FKBP9: variants seen among roughly 807,000 people sequenced by gnomAD.
The protein encoded by FKBP9 is peptidyl-prolyl cis-trans isomerase FKBP9.
Under a neutral mutation model 55.6 loss-of-function variants are expected in FKBP9, and 27 were observed. The ratio of observed to expected loss-of-function variants is 0.49; its 90% CI spans 0.36 to 0.67. FKBP9 has a LOEUF of 0.67. FKBP9 is among the 30% of genes least tolerant of loss of function. The pLI is 0.00. For synonymous variants in FKBP9, 267 were observed against 296.5 expected, an observed-to-expected ratio of 0.90 and a Z score of 1.02; for missense variants, 539 against 742.8, an observed-to-expected ratio of 0.73 and a Z score of 3.19.
chr7:32,976,087 G>A (rs1311179300), intron 3 of FKBP9, among the ~76,000 whole-genome samples: 1 of 152,186 alleles, frequency 6.6e-6, no homozygotes, highest in Non-Finnish European at 1.5e-5. Flanking sequence ...GGAACCCTTC[G>A]CAATTTCTTC....
intron 1 of FKBP9, among the ~76,000 whole-genome samples, chr7:32,958,531 C>G (rs1443672930): frequency 6.6e-6 from 1 of 152,244 alleles, no homozygotes; most frequent in Non-Finnish European, 1.5e-5. Flanking sequence ...CGTGGTGGCT[C>G]ACGCCTGTAG....
rs117698480 is a variant in FKBP9 at position 32,967,265 on chromosome 7, A to T, written c.222-7352A>T. 7.5e-3 allele frequency among the ~76,000 whole-genome samples: 1,143 copies of T among 152,276 alleles called. 14 individuals are homozygous for T. The highest frequency in any genetic ancestry group is 0.021 in the South Asian group (101 of 4,826). On this transcript the variant is annotated intron_variant, in intron 1 of 9. Transcript: ENST00000242209. ...AAAAACCATCAAATTTACCATTGTA[A>T]CTGTTTTGAACTGTATAATAGTGTT... is the stretch of plus-strand genomic sequence containing the variant.
At chr7:32,986,670 C>T (rs6462440) in intron 5 of FKBP9, among the ~76,000 whole-genome samples, 5,189 of 152,302 alleles carry the variant, frequency 0.034, 245 homozygotes, top group East Asian at 0.2. Context: ...TGTTGTGATT[C>T]TTTCTTCGTG....
At chr7:32,970,438 C>T (rs568922694) in intron 1 of FKBP9, among the ~76,000 whole-genome samples, 26 of 151,992 alleles carry the variant, frequency 1.7e-4, no homozygotes, top group African/African-American at 5.3e-4. Context: ...TCAGGTGATC[C>T]GCCCGCCTTG....
intron 1 of FKBP9, among the ~76,000 whole-genome samples, chr7:32,959,179 G>A (rs1271417504): frequency 1.3e-5 from 2 of 152,112 alleles, no homozygotes; most frequent in Admixed American, 6.5e-5. Flanking sequence ...GCCGAGGCGG[G>A]CGGATCACGA....
intron 1 of FKBP9, among the ~76,000 whole-genome samples, chr7:32,960,974 A>G (rs1413256926): frequency 1.3e-5 from 2 of 152,278 alleles, no homozygotes; most frequent in Non-Finnish European, 2.9e-5. Flanking sequence ...ACTGAGGCTC[A>G]GAAAGTTCAA....
At chr7:32,977,143 T>G (rs1384188421) in intron 4 of FKBP9, among the ~76,000 whole-genome samples, 2 of 152,230 alleles carry the variant, frequency 1.3e-5, no homozygotes, top group African/African-American at 4.8e-5. Context: ...GTAGTTTTAC[T>G]GTGAAGGAAA....
intron 5 of FKBP9, among the ~76,000 whole-genome samples, chr7:32,985,107 C>T (rs927122638): frequency 9.9e-5 from 15 of 151,806 alleles, no homozygotes; most frequent in Admixed American, 9.2e-4. Flanking sequence ...ACAAATTTCC[C>T]TCCTATCCTT....
At chr7:32,974,242 A>G (rs1345226138) in intron 1 of FKBP9, among the ~76,000 whole-genome samples, 1 of 152,078 alleles carries the variant, frequency 6.6e-6, no homozygotes, top group African/African-American at 2.4e-5. Context: ...TCGAACTCCT[A>G]ACTTCAACTT....
chr7:32,961,461 C>T (rs1583837027), intron 1 of FKBP9, among the ~76,000 whole-genome samples: 1 of 152,332 alleles, frequency 6.6e-6, no homozygotes, highest in Non-Finnish European at 1.5e-5. Context: ...GCTGATGCTA[C>T]TGGTCTGAGG....
rs1342216672 is a variant in FKBP9 at position 32,974,520 on chromosome 7, C to A, written c.222-97C>A. 5 of 1,031,508 alleles carry A rather than the reference C, an allele frequency of 4.8e-6. No individual in the cohort carries two copies. The African/African-American group carries it at 8.0e-5, about 16-fold the overall frequency. 63.9% of individuals were successfully genotyped at this position (1,031,508 alleles called of 1,614,324 possible). On this transcript the variant is annotated intron_variant, in intron 1 of 9. Coordinates refer to ENST00000242209, the MANE Select transcript of FKBP9 (RefSeq NM_007270.5). ...GCAGGGTTTTTGCTTTGCTATGGCC[C>A]CATTACATCTGTGGGCACATTTTTA...
chr7:32,985,378 A>C (rs1316014778), intron 5 of FKBP9, among the ~76,000 whole-genome samples: 1 of 151,234 alleles, frequency 6.6e-6, no homozygotes, highest in Non-Finnish European at 1.5e-5. Context: ...TGGGGTTTCA[A>C]CATGTTGGGC....
intron 1 of FKBP9, among the ~76,000 whole-genome samples, chr7:32,967,303 A>AG (rs1784163683): frequency 8.5e-5 from 13 of 152,208 alleles, no homozygotes; most frequent in Non-Finnish European, 1.5e-4. Context: ...CTATATTCAC[A>AG]CTGTTGTGCA....
At chr7:32,967,915 C>T (rs867088263) in intron 1 of FKBP9, among the ~76,000 whole-genome samples, 2 of 152,128 alleles carry the variant, frequency 1.3e-5, no homozygotes, top group South Asian at 4.1e-4. Flanking sequence ...GCACTATGCC[C>T]AGCTGATTTT....
At chr7:32,983,053 C>T (rs1454541145) in intron 5 of FKBP9, among the ~76,000 whole-genome samples, 1 of 150,840 alleles carries the variant, frequency 6.6e-6, no homozygotes, top group East Asian at 1.9e-4. Context: ...GACGGAGTTT[C>T]GCTCTTCTTG....
rs1200176763 is a variant in FKBP9 at position 33,000,276 on chromosome 7, T to G, written c.1372+16T>G. 31 of 1,594,934 alleles carry G rather than the reference T, an allele frequency of 1.9e-5. No individual in the cohort carries two copies. The highest frequency in any genetic ancestry group is 4.3e-6 in the Non-Finnish European group (5 of 1,164,410). ...GCTGGCGTGGGTGAGTAAGCAACGC[T>G]ATTCAAGGGTGTTGGGGGCCCGCTT... On this transcript the variant is annotated intron_variant, in intron 8 of 9. Transcript: ENST00000242209.
At position 32,996,252 on chromosome 7, in the gene FKBP9, T is replaced by C. The variant is rs1784782300; in HGVS notation, c.1129T>C (p.Tyr377His). ...PSDSISITSH[Y>H]KPPDCSVLSK... ...GGACTCCATCAGCATCACCTCCCACTACAAACCCCCTGACTGCTCAGTGCT... is the reference window on the plus strand; with the variant it reads ...GGACTCCATCAGCATCACCTCCCACCACAAACCCCCTGACTGCTCAGTGCT... Residue 377 changes from tyrosine (Y) to histidine (H), a missense_variant, in exon 7 of 10, where the codon TAC becomes CAC. Around this residue, in one of 4 missense-constraint regions of FKBP9, gnomAD observed 172 missense variants for 205.3 expected, o/e 0.84. Coordinates refer to ENST00000242209, the MANE Select transcript of FKBP9 (RefSeq NM_007270.5). 7.4e-6 allele frequency: 12 copies of C among 1,613,924 alleles called. No homozygotes were observed. The highest frequency in any genetic ancestry group is 1.7e-5 in the Admixed American group (1 of 59,992).
chr7:32,960,970 G>T (rs1160888050), intron 1 of FKBP9, among the ~76,000 whole-genome samples: 1 of 152,156 alleles, frequency 6.6e-6, no homozygotes. Flanking sequence ...ATAAACTGAG[G>T]CTCAGAAAGT....
At chr7:32,977,922 CACT>C (rs1476555918) in intron 4 of FKBP9, among the ~76,000 whole-genome samples, 1 of 108,862 alleles carries the variant, frequency 9.2e-6, no homozygotes, top group African/African-American at 3.3e-5. Flanking sequence ...TATATATATA[CACT>C]TTTTTTTTTT....
Sources: gnomAD v4.1 joint callset for allele counts (sites outside exome capture counted in the v4.1 genomes callset) on GRCh38, gnomAD v4.1.1 for gene constraint, gnomAD v4.1.1 regional missense constraint, MANE v1.5 for transcripts, NCBI Gene and HGNC (gene_info 2026-07-23, HGNC 2026-07-21) for gene names.